Variants in GSN observed in about 807,000 individuals in gnomAD.
The protein encoded by GSN is actin-depolymerizing factor.
A neutral mutation model predicts 85.7 loss-of-function variants in GSN; 56 were observed. That is an observed-to-expected ratio of 0.65 (90% confidence interval 0.53 to 0.82). GSN has a LOEUF of 0.82. Ranked by LOEUF, GSN falls within the 40% of genes least tolerant of loss-of-function variation. The probability of loss-of-function intolerance (pLI) is 0.00; values close to 1 mark genes in which losing one functional copy is unlikely to be tolerated. For synonymous variants in GSN, 373 were observed against 399.1 expected, an observed-to-expected ratio of 0.93 and a Z score of 0.78; for missense variants, 857 against 979.8, an observed-to-expected ratio of 0.87 and a Z score of 1.67.
intron 6 of GSN, among the ~76,000 whole-genome samples, chr9:121,253,422 C>T (rs1011324127): frequency 6.6e-6 from 1 of 152,160 alleles, no homozygotes; most frequent in Non-Finnish European, 1.5e-5. Flanking sequence ...TTATCTTTCC[C>T]TTACCAAGTA....
intron 4 of GSN, among the ~76,000 whole-genome samples, chr9:121,211,944 T>G (rs1173312473): frequency 2.0e-5 from 3 of 152,220 alleles, no homozygotes; most frequent in South Asian, 4.1e-4. Context: ...TGTATTTGCT[T>G]ACTGGTGAAG....
intron 2 of GSN, chr9:121,281,802 G>A (rs1481000674): frequency 2.1e-6 from 1 of 471,100 alleles, no homozygotes; most frequent in African/African-American, 2.0e-5. Context: ...TCGGTGCCCG[G>A]ATGCCTGGCT....
At chr9:121,314,140 G>T (rs1465959138) in intron 7 of GSN, 117 bp downstream of exon 7, 2 of 818,424 alleles carry the variant, frequency 2.4e-6, no homozygotes. Flanking sequence ...TTGGAGGGGG[G>T]CCTCAGCTTT....
chr9:121,223,416 G>A (rs1161082518), intron 4 of GSN, among the ~76,000 whole-genome samples: 1 of 152,040 alleles, frequency 6.6e-6, no homozygotes, highest in Non-Finnish European at 1.5e-5. Flanking sequence ...CAGAGACAGG[G>A]AAAGACCCCT....
chr9:121,212,164 A>C (rs535120494), intron 4 of GSN, among the ~76,000 whole-genome samples: 1 of 152,332 alleles, frequency 6.6e-6, no homozygotes, highest in African/African-American at 2.4e-5. Flanking sequence ...CGATAAAAAA[A>C]CATAACAAAA....
chr9:121,304,570 G>A (rs2060211529), intron 4 of GSN, among the ~76,000 whole-genome samples: 1 of 152,208 alleles, frequency 6.6e-6, no homozygotes, highest in Admixed American at 6.5e-5. Context: ...GTATCTTTGG[G>A]CGGGTGTTCT....
intron 4 of GSN, among the ~76,000 whole-genome samples, chr9:121,213,916 C>T (rs1048781789): frequency 2.0e-5 from 3 of 152,234 alleles, no homozygotes; most frequent in East Asian, 1.9e-4. Context: ...TTTCAACCGA[C>T]GAGCTCGTAC....
rs755363829 is a variant in GSN, at chr9:121,327,135, T to C, written c.1588-173T>C. The C allele has an allele frequency of 5.9e-5, 45 of 756,462 alleles. No individual in the cohort carries two copies. In the South Asian group the frequency reaches 6.1e-4, roughly 10 times the overall value. 46.9% of individuals were successfully genotyped at this position (756,462 alleles called of 1,614,324 possible). ...CTAGTCACAGTGCATTAGTGACTCATGGGAGTCAACCAAGGCCATCAGGGT... is the reference window on the plus strand; with the variant it reads ...CTAGTCACAGTGCATTAGTGACTCACGGGAGTCAACCAAGGCCATCAGGGT... On this transcript the variant is annotated intron_variant, in intron 13 of 17. Transcript: ENST00000432226.
intron 5 of GSN, among the ~76,000 whole-genome samples, chr9:121,234,022 G>C (rs1039749659): frequency 1.3e-5 from 2 of 152,172 alleles, no homozygotes; most frequent in East Asian, 3.9e-4. Flanking sequence ...AGGGACCCTG[G>C]TTCTTTATGC....
intron 1 of GSN, among the ~76,000 whole-genome samples, chr9:121,268,980 T>TG (rs2055492784): frequency 6.6e-6 from 1 of 152,200 alleles, no homozygotes; most frequent in African/African-American, 2.4e-5. Context: ...GGCTGGGGGC[T>TG]GGGGGTGTGG....
intron 4 of GSN, among the ~76,000 whole-genome samples, chr9:121,307,185 A>C (rs573621133): frequency 6.6e-6 from 1 of 152,332 alleles, no homozygotes; most frequent in African/African-American, 2.4e-5. Context: ...TGTCTCAAAA[A>C]AAAAAGAATT....
At chr9:121,324,741 CTGT>C in intron 12 of GSN, 97 bp downstream of exon 12, 1 of 700,570 alleles carries the variant, frequency 1.4e-6, no homozygotes, top group South Asian at 1.5e-5. Context: ...GTTTGTCCAT[CTGT>C]CTGTCTGTCC....
At chr9:121,247,289 C>T (rs534389321) in intron 5 of GSN, among the ~76,000 whole-genome samples, 1 of 152,290 alleles carries the variant, frequency 6.6e-6, no homozygotes, top group African/African-American at 2.4e-5. Flanking sequence ...TATATCAGTG[C>T]TCAAGGGCCC....
chr9:121,300,479 G>T (rs916834688), intron 2 of GSN, among the ~76,000 whole-genome samples: 3 of 151,824 alleles, frequency 2.0e-5, no homozygotes, highest in Non-Finnish European at 2.9e-5. Flanking sequence ...TGTCTTCCCT[G>T]CCCTGTCTGG....
chr9:121,297,079 T>C (rs1319582650), intron 2 of GSN, among the ~76,000 whole-genome samples: 1 of 152,224 alleles, frequency 6.6e-6, no homozygotes, highest in Non-Finnish European at 1.5e-5. Context: ...CCAGGTTCAG[T>C]CTGGGGGCTG....
At chr9:121,302,234 G>C in intron 3 of GSN, 67 bp downstream of exon 3, 1 of 1,542,224 alleles carries the variant, frequency 6.5e-7, no homozygotes, top group Non-Finnish European at 8.9e-7. Context: ...TTTGGGGCAT[G>C]GTCCCCAGGG....
chr9:121,230,682 T>C (rs370271879), intron 4 of GSN, among the ~76,000 whole-genome samples: 38 of 152,244 alleles, frequency 2.5e-4, no homozygotes, highest in African/African-American at 7.7e-4. Flanking sequence ...ACCCACCTCA[T>C]AGTTAAATGG....
At chr9:121,255,243 C>T (rs531434132) in intron 6 of GSN, among the ~76,000 whole-genome samples, 19 of 152,178 alleles carry the variant, frequency 1.2e-4, no homozygotes, top group African/African-American at 3.4e-4. Context: ...CCACCGCACC[C>T]GGCCATTTAT....
At chr9:121,220,401 G>A (rs897308044) in intron 4 of GSN, among the ~76,000 whole-genome samples, 3 of 73,726 alleles carry the variant, frequency 4.1e-5, no homozygotes, top group Admixed American at 1.7e-4. Flanking sequence ...GATCACAGTA[G>A]GTGAAGCTCT....
Sources: gnomAD v4.1 joint callset for allele counts (sites outside exome capture counted in the v4.1 genomes callset) on GRCh38, gnomAD v4.1.1 for gene constraint, MANE v1.5 for transcripts, NCBI Gene and HGNC (gene_info 2026-07-23, HGNC 2026-07-21) for gene names.